USP15: variants seen among roughly 807,000 people sequenced by gnomAD.
The protein encoded by USP15 is ubiquitin carboxyl-terminal hydrolase 15.
A neutral mutation model predicts 127.1 loss-of-function variants in USP15; 18 were observed. The ratio of observed to expected loss-of-function variants is 0.14; its 90% CI spans 0.10 to 0.21. The LOEUF (loss-of-function observed/expected upper bound fraction) is 0.21, where lower values mean the gene tolerates loss of function less well. Ranked by LOEUF, USP15 falls within the 10% of genes least tolerant of loss-of-function variation. USP15 has a pLI of 1.00. For synonymous variants in USP15, 364 were observed against 393.7 expected (o/e 0.92, Z 0.89); for missense variants, 805 against 1,159.9 (o/e 0.69, Z 4.44).
chr12:62,335,040 T>C, intron 6 of USP15: 1 of 816,328 alleles, frequency 1.2e-6, no homozygotes, highest in Non-Finnish European at 1.9e-6. Flanking sequence ...CTTACCTTTT[T>C]CTGTCTGAGG....
intron 7 of USP15, among the ~76,000 whole-genome samples, chr12:62,349,691 C>A (rs886927698): frequency 6.6e-6 from 1 of 151,886 alleles, no homozygotes; most frequent in African/African-American, 2.4e-5. Context: ...GTGGAAAGCA[C>A]ACAATAAATT....
intron 1 of USP15, among the ~76,000 whole-genome samples, chr12:62,278,093 A>T (rs759980473): frequency 1.3e-5 from 2 of 152,116 alleles, no homozygotes; most frequent in Non-Finnish European, 2.9e-5. Context: ...ATTTTTTCTA[A>T]TTAAAAAGTT....
intron 1 of USP15, among the ~76,000 whole-genome samples, chr12:62,276,871 G>A (rs1177684268): frequency 1.3e-5 from 2 of 152,012 alleles, no homozygotes; most frequent in African/African-American, 4.8e-5. Context: ...AAAAAGTAAT[G>A]AATAAAAACT....
chr12:62,378,051 A>G (rs2066884535), intron 8 of USP15, among the ~76,000 whole-genome samples: 1 of 151,870 alleles, frequency 6.6e-6, no homozygotes, highest in Non-Finnish European at 1.5e-5. Context: ...TACAAAAAAT[A>G]CAAAAATTAG....
At chr12:62,270,103 G>T (rs2063313130) in intron 1 of USP15, among the ~76,000 whole-genome samples, 1 of 151,798 alleles carries the variant, frequency 6.6e-6, no homozygotes, top group African/African-American at 2.4e-5. Context: ...TTGTAGTTTT[G>T]ATTTGCATTT....
chr12:62,400,870 C>T (rs1279707611), intron 20 of USP15, among the ~76,000 whole-genome samples: 1 of 151,964 alleles, frequency 6.6e-6, no homozygotes, highest in Non-Finnish European at 1.5e-5. Flanking sequence ...AAGTGCATAA[C>T]ACTATGCCTG....
chr12:62,349,136 A>G, intron 6 of USP15, 85 bp from the exon 7 acceptor site: 1 of 801,740 alleles, frequency 1.2e-6, no homozygotes. Context: ...TTTACTACAA[A>G]CATTGTCATC....
rs368484528 is a variant in USP15 at position 62,381,609 on chromosome 12, G to A, written c.1035G>A (p.Leu345=). 1.5e-4 allele frequency: 243 copies of A among 1,612,704 alleles called. No individual in the cohort carries two copies. Among genetic ancestry groups the A allele is most frequent in the Non-Finnish European group, 2.0e-4 (236 of 1,179,140 alleles). ...AAATAGCTAAATCTTATGCCGAACTGATCAAGCAAATGTGGTCTGGAAAGT... is the reference window on the plus strand; with the variant it reads ...AAATAGCTAAATCTTATGCCGAACTAATCAAGCAAATGTGGTCTGGAAAGT... The part of the protein sequence containing the change: ...RGEIAKSYAE[L]IKQMWSGKFS... The change falls in exon 9 of 22, where the codon CTG becomes CTA. Residue 345 remains leucine (L), a synonymous_variant. Coordinates refer to ENST00000280377, the MANE Select transcript of USP15 (RefSeq NM_001252078.2).
At chr12:62,394,692 C>G (rs944710346) in intron 19 of USP15, among the ~76,000 whole-genome samples, 4 of 151,950 alleles carry the variant, frequency 2.6e-5, no homozygotes, top group African/African-American at 9.6e-5. Context: ...TACCAAAATT[C>G]AAAAACATTA....
At chr12:62,364,282 A>T (rs1414826382) in intron 8 of USP15, among the ~76,000 whole-genome samples, 1 of 152,214 alleles carries the variant, frequency 6.6e-6, no homozygotes, top group African/African-American at 2.4e-5. Flanking sequence ...ATACAAGACT[A>T]GATCATTAGC....
intron 8 of USP15, among the ~76,000 whole-genome samples, chr12:62,380,791 G>T (rs560187935): frequency 1.3e-5 from 2 of 152,084 alleles, no homozygotes; most frequent in South Asian, 4.1e-4. Flanking sequence ...TTGTACGTCT[G>T]CCATGTTTTA....
intron 1 of USP15, among the ~76,000 whole-genome samples, chr12:62,264,192 C>T (rs889349448): frequency 2.0e-5 from 3 of 152,060 alleles, no homozygotes; most frequent in African/African-American, 4.8e-5. Flanking sequence ...CCATGTTACC[C>T]GGGTTGGTCT....
chr12:62,399,583 A>C (rs2067611189), intron 20 of USP15, among the ~76,000 whole-genome samples: 1 of 152,188 alleles, frequency 6.6e-6, no homozygotes, highest in Admixed American at 6.5e-5. Flanking sequence ...TGTTGCATGC[A>C]CACAAATATT....
chr12:62,297,396 A>G (rs1323377858), intron 2 of USP15, among the ~76,000 whole-genome samples: 2 of 152,176 alleles, frequency 1.3e-5, no homozygotes, highest in Non-Finnish European at 2.9e-5. Flanking sequence ...GCAGATAGGA[A>G]CAAAGGAAGA....
At chr12:62,373,118 A>AT (rs754864200) in intron 8 of USP15, among the ~76,000 whole-genome samples, 19 of 152,058 alleles carry the variant, frequency 1.2e-4, no homozygotes, top group Non-Finnish European at 2.5e-4. Flanking sequence ...TATCTGTGTC[A>AT]TAAGTGAATC....
Position 62,310,119 on chromosome 12 carries a change from A to G in USP15, c.349-4671A>G, listed in dbSNP as rs546066401. On this transcript the variant is annotated intron_variant, in intron 3 of 21. Transcript: ENST00000280377. ...AGGTAAATTTAACAGGTTGCCTGAT[A>G]TAAGGGCAGTATAGGGAAACCAGTT... Among the ~76,000 whole-genome samples the G allele has an allele frequency of 3.3e-5, 5 of 152,132 alleles. No homozygotes were observed. The South Asian group carries it at 1.0e-3, about 32-fold the overall frequency.
intron 1 of USP15, among the ~76,000 whole-genome samples, chr12:62,269,154 T>C (rs1015402762): frequency 6.6e-6 from 1 of 152,178 alleles, no homozygotes; most frequent in Admixed American, 6.5e-5. Context: ...AAATGTATGG[T>C]TAGGCAATTT....
At position 62,336,469 on chromosome 12, in the gene USP15, A is replaced by G. The variant is rs556565291; in HGVS notation, c.683+10536A>G. 5.5e-5 allele frequency: 54 copies of G among 985,300 alleles called. No individual in the cohort carries two copies. The African/African-American group carries it at 7.9e-4, about 14-fold the overall frequency. The allele number at this position is 985,300 out of a possible 1,614,324, so 61.0% of individuals were successfully genotyped here. A position where few individuals can be genotyped will look rare whatever the true frequency, so the allele number is the denominator to read the frequency against. On this transcript the variant is annotated intron_variant, in intron 6 of 21. Coordinates refer to ENST00000280377, the MANE Select transcript of USP15 (RefSeq NM_001252078.2). Reference sequence around the variant, plus strand: ...CAAGTCTTGCAGATTCTGCCTCCTCACCTGAAGTTTTCAAACAGTACCCCT... The same window carrying G: ...CAAGTCTTGCAGATTCTGCCTCCTCGCCTGAAGTTTTCAAACAGTACCCCT...
At chr12:62,357,260 A>G (rs1268908847) in intron 8 of USP15, among the ~76,000 whole-genome samples, 1 of 152,026 alleles carries the variant, frequency 6.6e-6, no homozygotes, top group Non-Finnish European at 1.5e-5. Flanking sequence ...CCTTTGATAC[A>G]TCTGTTTAGT....
Sources: gnomAD v4.1 joint callset for allele counts (sites outside exome capture counted in the v4.1 genomes callset) on GRCh38, gnomAD v4.1.1 for gene constraint, MANE v1.5 for transcripts, NCBI Gene and HGNC (gene_info 2026-07-23, HGNC 2026-07-21) for gene names.